Variants in FREM2 observed in about 807,000 individuals in gnomAD.
FREM2 encodes the protein FRAS1 related extracellular matrix 2.
In FREM2, 119 loss-of-function variants were observed where a neutral mutation model predicts 219.9. The ratio of observed to expected loss-of-function variants is 0.54; its 90% CI spans 0.47 to 0.63. The LOEUF is 0.63. Among genes scored for constraint, FREM2 ranks in the 30% least tolerant of loss-of-function variants. The probability of loss-of-function intolerance (pLI) is 0.00; values close to 1 mark genes in which losing one functional copy is unlikely to be tolerated. For synonymous variants in FREM2, 1,562 were observed against 1,522.8 expected, an observed-to-expected ratio of 1.03 and a Z score of -0.60; for missense variants, 4,030 against 3,993.6, an observed-to-expected ratio of 1.01 and a Z score of -0.25.
At chr13:38,693,384 C>A (rs1479537221) in intron 1 of FREM2, among the ~76,000 whole-genome samples, 1 of 152,232 alleles carries the variant, frequency 6.6e-6, no homozygotes, top group Non-Finnish European at 1.5e-5. Flanking sequence ...GCTTCAGGCA[C>A]CTGCGGTCTT....
In FREM2 at chr13:38,687,714, C is replaced by G. The variant is rs778761464; in HGVS notation, c.370C>G (p.Pro124Ala). 6 of 1,558,116 alleles carry G rather than the reference C, an allele frequency of 3.9e-6. No individual in the cohort carries two copies. Among genetic ancestry groups the G allele is most frequent in the Non-Finnish European group, 5.2e-6 (6 of 1,149,596 alleles). ...ALAQRPGRLS[P>A]KRFPCDFGPG... ...GGCCCAGCGACCGGGCCGCCTGAGTCCCAAGCGCTTCCCGTGCGACTTTGG... is the reference window on the plus strand; with the variant it reads ...GGCCCAGCGACCGGGCCGCCTGAGTGCCAAGCGCTTCCCGTGCGACTTTGG... Residue 124 changes from proline (P) to alanine (A), a missense_variant, in exon 1 of 24, where the codon CCC becomes GCC. Physicochemically the swap from Pro to Ala is conservative, Grantham distance 27. Coordinates refer to ENST00000280481, the MANE Select transcript of FREM2 (RefSeq NM_207361.6).
chr13:38,775,373 T>C (rs139762953), intron 4 of FREM2, among the ~76,000 whole-genome samples: 3 of 152,292 alleles, frequency 2.0e-5, no homozygotes, highest in Non-Finnish European at 2.9e-5. Flanking sequence ...GAGCTTCAAC[T>C]TCAGTGAGAG....
intron 2 of FREM2, among the ~76,000 whole-genome samples, chr13:38,761,729 G>A (rs1032805362): frequency 6.6e-6 from 1 of 152,110 alleles, no homozygotes; most frequent in African/African-American, 2.4e-5. Flanking sequence ...CACAGGAGGG[G>A]GATAGAGCAG....
At chr13:38,800,548 A>G (rs147722844) in intron 6 of FREM2, among the ~76,000 whole-genome samples, 8 of 152,260 alleles carry the variant, frequency 5.3e-5, no homozygotes, top group African/African-American at 1.9e-4. Flanking sequence ...TTTCTGAGTT[A>G]CATCTGTTTG....
intron 6 of FREM2, among the ~76,000 whole-genome samples, chr13:38,789,369 T>C (rs1043240129): frequency 6.6e-6 from 1 of 151,884 alleles, no homozygotes; most frequent in East Asian, 1.9e-4. Context: ...TTAATTATAT[T>C]ATCATAAAAT....
At chr13:38,773,975 G>A (rs4643178) in intron 4 of FREM2, among the ~76,000 whole-genome samples, 119,624 of 149,646 alleles carry the variant, frequency 0.8, 49,020 homozygotes, top group Middle Eastern at 0.9. Flanking sequence ...AAAAAAATAT[G>A]TATAAAATAT....
chr13:38,687,609 C>T lies in FREM2; in HGVS notation c.265C>T (p.Leu89=). 4 of 1,609,442 alleles carry T rather than the reference C, an allele frequency of 2.5e-6. No homozygotes were observed. Among genetic ancestry groups the T allele is most frequent in the Non-Finnish European group, 3.4e-6 (4 of 1,178,172 alleles). ...LRVPFGREVW[L]DPLHDLVLQV... ...GGTGCCTTTCGGCCGTGAAGTCTGG[C>T]TGGATCCCCTGCATGACCTGGTGTT... is the stretch of plus-strand genomic sequence containing the variant. Residue 89 remains leucine (L), a synonymous_variant, in exon 1 of 24, where the codon CTG becomes TTG. Coordinates refer to ENST00000280481, the MANE Select transcript of FREM2 (RefSeq NM_207361.6).
intron 2 of FREM2, among the ~76,000 whole-genome samples, chr13:38,726,575 G>A (rs911985821): frequency 2.4e-4 from 36 of 152,188 alleles, no homozygotes; most frequent in African/African-American, 8.4e-4. Context: ...GGGAGAGAGT[G>A]TAGGGGTGGG....
Position 38,687,868 on chromosome 13 carries a change from T to C in FREM2, c.524T>C (p.Val175Ala). ...CCACTGGTACTGGAGGTGGAGGTGG[T>C]CTTCACCCAGCTGGAGGTTGTGACT... ...VLPLVLEVEV[V>A]FTQLEVVTRN... Residue 175 changes from valine to alanine, a missense_variant, in exon 1 of 24, where the codon GTC (valine) becomes GCC (alanine). Transcript: ENST00000280481. 6.4e-7 allele frequency: 1 copy of C among 1,570,004 alleles called. No homozygotes were observed. Among genetic ancestry groups the C allele is most frequent in the Non-Finnish European group, 8.7e-7 (1 of 1,153,892 alleles).
At chr13:38,822,549 C>T (rs1004550995) in intron 6 of FREM2, among the ~76,000 whole-genome samples, 10 of 151,760 alleles carry the variant, frequency 6.6e-5, no homozygotes, top group Admixed American at 2.6e-4. Flanking sequence ...CTAGCGTGCA[C>T]GGTCTGCATC....
At chr13:38,855,768 T>C (rs1877532604) in intron 11 of FREM2, among the ~76,000 whole-genome samples, 2 of 151,926 alleles carry the variant, frequency 1.3e-5, no homozygotes, top group South Asian at 4.2e-4. Flanking sequence ...AGACTACAAA[T>C]TGGGTACAGT....
chr13:38,878,151 C>T lies in FREM2; in HGVS notation c.8689C>T (p.Arg2897Cys), dbSNP rs1352336708. 3 of 1,613,224 alleles carry T rather than the reference C, an allele frequency of 1.9e-6. No homozygotes were observed. Among genetic ancestry groups the T allele is most frequent in the Non-Finnish European group, 1.7e-6 (2 of 1,179,356 alleles). ...AFAEGDIIYG[R>C]VMVDPVQNLG... is the part of the protein sequence containing the mutation. ...TATTTCAGGTGATATAATTTATGGT[C>T]GTGTCATGGTGGATCCTGTCCAGAA... Residue 2897 changes from arginine (R) to cysteine (C), a missense_variant, in exon 22 of 24, where the codon CGT (arginine) becomes TGT (cysteine). Arg to Cys is a radical substitution (Grantham distance 180). Coordinates refer to ENST00000280481, the MANE Select transcript of FREM2 (RefSeq NM_207361.6).
At chr13:38,701,888 A>C (rs887133691) in intron 2 of FREM2, among the ~76,000 whole-genome samples, 1 of 152,160 alleles carries the variant, frequency 6.6e-6, no homozygotes, top group African/African-American at 2.4e-5. Flanking sequence ...TTAGTAAGGA[A>C]GAAACTCCTT....
At chr13:38,798,464 G>A (rs999587075) in intron 6 of FREM2, among the ~76,000 whole-genome samples, 2 of 151,960 alleles carry the variant, frequency 1.3e-5, no homozygotes, top group African/African-American at 4.8e-5. Context: ...TTTGAAATCA[G>A]GGTAATACTG....
Position 38,706,497 on chromosome 13 carries a change from A to G in FREM2, c.5263+8710A>G, listed in dbSNP as rs114737146. ...AGAAGAGCTTGTTTTAAATTTAGGC[A>G]TTAAGGAACTTGAAATTCCTTACTG... On this transcript the variant is annotated intron_variant, in intron 2 of 23. Transcript: ENST00000280481. 5.7e-3 allele frequency among the ~76,000 whole-genome samples: 861 copies of G among 152,322 alleles called. 8 individuals carry two copies. Among genetic ancestry groups the G allele is most frequent in the African/African-American group, 0.02 (813 of 41,574 alleles).
intron 2 of FREM2, among the ~76,000 whole-genome samples, chr13:38,729,287 T>G (rs189848423): frequency 6.6e-6 from 1 of 152,194 alleles, no homozygotes; most frequent in African/African-American, 2.4e-5. Context: ...ATTTTCTGTG[T>G]GTGTCTATGA....
chr13:38,797,357 T>C (rs1874833231), intron 6 of FREM2, among the ~76,000 whole-genome samples: 1 of 152,208 alleles, frequency 6.6e-6, no homozygotes, highest in African/African-American at 2.4e-5. Flanking sequence ...TGCTTAGTGA[T>C]GTTGCACATT....
chr13:38,748,035 A>G (rs1872558855), intron 2 of FREM2, among the ~76,000 whole-genome samples: 1 of 152,148 alleles, frequency 6.6e-6, no homozygotes, highest in Non-Finnish European at 1.5e-5. Flanking sequence ...CTCGTTGTAC[A>G]TTGTTGGTGA....
chr13:38,741,996 A>G (rs1043083548), intron 2 of FREM2, among the ~76,000 whole-genome samples: 2 of 152,208 alleles, frequency 1.3e-5, no homozygotes, highest in Non-Finnish European at 2.9e-5. Context: ...CTATGAGTAA[A>G]CAACGGAACA....
Sources: allele counts gnomAD v4.1 joint callset (sites outside exome capture counted in the v4.1 genomes callset), GRCh38; gene constraint gnomAD v4.1.1; transcripts MANE v1.5; gene names NCBI Gene and HGNC (gene_info 2026-07-23, HGNC 2026-07-21).